Variants in IL17RA observed in about 807,000 individuals in gnomAD.
IL17RA encodes the protein interleukin-17 receptor A.
IL17RA carries 34 observed loss-of-function variants against 50.4 expected under a neutral mutation model. The ratio of observed to expected loss-of-function variants is 0.67; its 90% CI spans 0.51 to 0.90. The LOEUF is 0.90. Ranked by LOEUF, IL17RA falls within the 40% of genes least tolerant of loss-of-function variation. The pLI is 0.00. For missense variants in IL17RA, 1,276 were observed against 1,169.8 expected (o/e 1.09, Z -1.32); for synonymous variants, 585 against 510.4 (o/e 1.15, Z -1.97).
At chr22:17,086,298 A>G (rs1168994530) in intron 1 of IL17RA, among the ~76,000 whole-genome samples, 32 of 152,118 alleles carry the variant, frequency 2.1e-4, no homozygotes, top group Non-Finnish European at 1.5e-5. Context: ...ATGTAAAACA[A>G]AGGGATATTT....
At chr22:17,107,673 G>T in intron 11 of IL17RA, 54 bp from the exon 12 acceptor site, 1 of 1,498,674 alleles carries the variant, frequency 6.7e-7, no homozygotes. Flanking sequence ...CTGTGAGCTG[G>T]TTTCTATTTC....
Position 17,094,669 on chromosome 22 carries a change from C to CTATATATATA in IL17RA, c.139-2392_139-2391insATATATATAT, listed in dbSNP as rs2061360235. ...AGTCATACACACACTCTCTCTCTCT[C>CTATATATATA]TCTCTCTCTCTCTCTCTCTCTCTAT... On this transcript the variant is annotated intron_variant, in intron 1 of 12. Coordinates refer to ENST00000319363, the MANE Select transcript of IL17RA (RefSeq NM_014339.7). Among the ~76,000 whole-genome samples the CTATATATATA allele has an allele frequency of 3.1e-3, 76 of 24,220 alleles. 2 individuals are homozygous for CTATATATATA. Among genetic ancestry groups the CTATATATATA allele is most frequent in the Admixed American group, 5.4e-3 (21 of 3,854 alleles). 15.9% of individuals were successfully genotyped at this position (24,220 alleles called of 152,430 possible).
chr22:17,089,742 G>T (rs980551658), intron 1 of IL17RA, among the ~76,000 whole-genome samples: 3 of 152,062 alleles, frequency 2.0e-5, no homozygotes, highest in Non-Finnish European at 4.4e-5. Context: ...GTGTGGTGGC[G>T]CATGTCTCTA....
intron 4 of IL17RA, 86 bp from the exon 5 acceptor site, chr22:17,100,268 AG>A: frequency 6.7e-7 from 1 of 1,503,424 alleles, no homozygotes; most frequent in Non-Finnish European, 9.2e-7. Context: ...AATATTCGGG[AG>A]TGGGTGGGAA....
chr22:17,100,161 A>C (rs1601342762), intron 4 of IL17RA, among the ~76,000 whole-genome samples, 194 bp from the exon 5 acceptor site: 1 of 148,454 alleles, frequency 6.7e-6, no homozygotes, highest in South Asian at 2.1e-4. Context: ...AAAAAAAAAA[A>C]CAGGCAGAAA....
intron 1 of IL17RA, among the ~76,000 whole-genome samples, chr22:17,086,466 T>A (rs2123788142): frequency 6.6e-6 from 1 of 152,246 alleles, no homozygotes; most frequent in South Asian, 2.1e-4. Flanking sequence ...GCCCTGCTAG[T>A]CCCTCCTGCA....
chr22:17,097,512 T>A, intron 2 of IL17RA: 1 of 554,572 alleles, frequency 1.8e-6, no homozygotes, highest in Non-Finnish European at 3.2e-6. Context: ...TACAACTGCA[T>A]CCCTCCTGTG....
chr22:17,109,679 C>G lies in IL17RA; in HGVS notation c.2460C>G (p.Asp820Glu). 6.3e-7 allele frequency: 1 copy of G among 1,591,080 alleles called. No homozygotes were observed. Among genetic ancestry groups the G allele is most frequent in the Non-Finnish European group, 8.5e-7 (1 of 1,170,074 alleles). Residue 820 changes from aspartate to glutamate, a missense_variant, in exon 13 of 13, where the codon GAC becomes GAG. Physicochemically the swap from Asp to Glu is conservative, Grantham distance 45. Coordinates refer to ENST00000319363, the MANE Select transcript of IL17RA (RefSeq NM_014339.7). ...AGGAAGAGGAGGAAGAGGAGCAGGA[C>G]CCAGGGAAGCCGGCCCTGCCACTCT... ...EMEEEEEEEQ[D>E]PGKPALPLSP...
chr22:17,107,899 C>T (rs886809639), intron 12 of IL17RA, 131 bp downstream of exon 12: 39 of 789,282 alleles, frequency 4.9e-5, no homozygotes, highest in African/African-American at 3.4e-5. Context: ...TAGAAACCCC[C>T]TTCCAGTACC....
intron 8 of IL17RA, among the ~76,000 whole-genome samples, chr22:17,103,894 G>A (rs1352973399): frequency 5.0e-5 from 6 of 119,058 alleles, no homozygotes; most frequent in Admixed American, 1.7e-4. Context: ...AGTGGGGAGC[G>A]TGCACAGGTG....
At chr22:17,095,935 T>G (rs2061366819) in intron 1 of IL17RA, among the ~76,000 whole-genome samples, 1 of 152,140 alleles carries the variant, frequency 6.6e-6, no homozygotes, top group Non-Finnish European at 1.5e-5. Context: ...TGAACCCTGG[T>G]GGCACGGGGT....
rs2061436102 is a variant in IL17RA at position 17,110,370 on chromosome 22, TGCC to T, written c.*551_*553del. On this transcript the variant is annotated 3_prime_UTR_variant, in exon 13 of 13. Transcript: ENST00000319363. ...AAAATTAGCCGGGCATGGTGACACA[TGCC>T]TGTAGTCCTAGCTACTTGGGAGGCT... 5.6e-6 allele frequency: 1 copy of T among 178,320 alleles called. No individual in the cohort carries two copies. Among genetic ancestry groups the T allele is most frequent in the Non-Finnish European group, 1.2e-5 (1 of 82,846 alleles). The allele number at this position is 178,320 out of a possible 1,614,324, so 11.0% of individuals were successfully genotyped here. A position where few individuals can be genotyped will look rare whatever the true frequency, so the allele number is the denominator to read the frequency against.
rs2061461304 is a variant in IL17RA, at chr22:17,114,985, T to C, written c.*5165T>C. ...CAGTCAACCACGCGCTATATTTTCCTGTTCTTCCTTAGGGCAAGAACTGCA... is the reference window on the plus strand; with the variant it reads ...CAGTCAACCACGCGCTATATTTTCCCGTTCTTCCTTAGGGCAAGAACTGCA... On this transcript the variant is annotated 3_prime_UTR_variant, in exon 13 of 13. Coordinates refer to ENST00000319363, the MANE Select transcript of IL17RA (RefSeq NM_014339.7). 1 of 152,308 alleles carries C rather than the reference T, an allele frequency of 6.6e-6. No individual in the cohort carries two copies. The highest frequency in any genetic ancestry group is 1.5e-5 in the Non-Finnish European group (1 of 68,070). The allele number at this position is 152,308 out of a possible 1,614,324, so 9.4% of individuals were successfully genotyped here.
chr22:17,087,440 C>T (rs1344474989), intron 1 of IL17RA, among the ~76,000 whole-genome samples: 1 of 152,260 alleles, frequency 6.6e-6, no homozygotes, highest in Non-Finnish European at 1.5e-5. Context: ...TAACTATCCT[C>T]AGACAGGGAG....
In IL17RA at chr22:17,104,769, A is replaced by C; in HGVS notation, c.890A>C (p.His297Pro). Residue 297 changes from histidine (H) to proline (P), a missense_variant, in exon 9 of 13, where the codon CAC becomes CCC. Transcript: ENST00000319363. ...AGCTGCCTCAATGACTGCCTCAGAC[A>C]CTCCGCGACTGTTTCCTGCCCAGAA... ...FSSCLNDCLR[H>P]SATVSCPEMP... The C allele has an allele frequency of 6.2e-7, 1 of 1,613,798 alleles. No individual in the cohort carries two copies.
rs762296481 is a variant in IL17RA at position 17,111,330 on chromosome 22, C to T, written c.*1510C>T. ...GACTATCAGTGGGGAGCTGTTAGCA[C>T]GTAGGATTCTTCAGAGCAGCTGGGC... On this transcript the variant is annotated 3_prime_UTR_variant, in exon 13 of 13. Transcript: ENST00000319363. 3.9e-5 allele frequency: 6 copies of T among 152,180 alleles called. No individual in the cohort carries two copies. Among genetic ancestry groups the T allele is most frequent in the Admixed American group, 6.5e-5 (1 of 15,288 alleles). 9.4% of individuals were successfully genotyped at this position (152,180 alleles called of 1,614,324 possible).
chr22:17,107,544 A>G (rs2061419376), intron 11 of IL17RA, among the ~76,000 whole-genome samples, 183 bp from the exon 12 acceptor site: 1 of 152,240 alleles, frequency 6.6e-6, no homozygotes, highest in Admixed American at 6.5e-5. Context: ...TCCAGGTCAT[A>G]GTGCTCGTAG....
chr22:17,091,677 C>CAA (rs60640692), intron 1 of IL17RA, among the ~76,000 whole-genome samples: 4 of 134,230 alleles, frequency 3.0e-5, no homozygotes, highest in East Asian at 2.1e-4. Flanking sequence ...GACTCTGTCT[C>CAA]AAAAAAAAAA....
chr22:17,091,568 C>T (rs2061348279), intron 1 of IL17RA, among the ~76,000 whole-genome samples: 1 of 151,878 alleles, frequency 6.6e-6, no homozygotes, highest in South Asian at 2.1e-4. Context: ...GTCCCAGCTA[C>T]TTGGGAGGCT....
Sources: gnomAD v4.1 joint callset for allele counts (sites outside exome capture counted in the v4.1 genomes callset) on GRCh38, gnomAD v4.1.1 for gene constraint, MANE v1.5 for transcripts, NCBI Gene and HGNC (gene_info 2026-07-23, HGNC 2026-07-21) for gene names.